Variants in GRIK2 observed in about 807,000 individuals in gnomAD.
GRIK2 encodes the protein glutamate ionotropic receptor kainate type subunit 2, also known as glutamate receptor ionotropic, kainate 2.
In GRIK2, 32 loss-of-function variants were observed where a neutral mutation model predicts 100.3. The ratio of observed to expected loss-of-function variants is 0.32; its 90% CI spans 0.24 to 0.43. The LOEUF (loss-of-function observed/expected upper bound fraction) is 0.43, where lower values mean the gene tolerates loss of function less well. GRIK2 is among the 20% of genes least tolerant of loss of function. The pLI, the probability that GRIK2 is intolerant of heterozygous loss-of-function variation, is 1.00. For missense variants in GRIK2, 843 were observed against 1,114.9 expected (o/e 0.76, Z 3.47); for synonymous variants, 417 against 389.4 (o/e 1.07, Z -0.83).
chr6:101,556,709 G>A (rs192446554), intron 2 of GRIK2, among the ~76,000 whole-genome samples: 51 of 152,032 alleles, frequency 3.4e-4, no homozygotes, highest in African/African-American at 1.2e-3. Flanking sequence ...GCTGTTATTC[G>A]CATTGCACAA....
intron 9 of GRIK2, among the ~76,000 whole-genome samples, chr6:101,811,425 A>C (rs1292751450): frequency 6.6e-6 from 1 of 152,076 alleles, no homozygotes; most frequent in Non-Finnish European, 1.5e-5. Context: ...TCCAGTGAAT[A>C]TTTTGTGAGT....
At chr6:101,961,464 G>A (rs974297832) in intron 14 of GRIK2, among the ~76,000 whole-genome samples, 13 of 152,038 alleles carry the variant, frequency 8.6e-5, no homozygotes, top group Admixed American at 2.0e-4. Context: ...CGCCCCCCAC[G>A]AAAGAACAGC....
At chr6:101,772,559 T>C (rs1312700970) in intron 7 of GRIK2, among the ~76,000 whole-genome samples, 1 of 151,992 alleles carries the variant, frequency 6.6e-6, no homozygotes, top group Non-Finnish European at 1.5e-5. Context: ...ATGTTTATCC[T>C]CTAAAAGGAC....
intron 2 of GRIK2, among the ~76,000 whole-genome samples, chr6:101,402,886 G>C (rs1263791031): frequency 6.6e-6 from 1 of 152,220 alleles, no homozygotes; most frequent in Non-Finnish European, 1.5e-5. Flanking sequence ...CCCAGGATAG[G>C]GTGAAGGCGG....
chr6:101,653,054 T>C (rs1437218362), intron 4 of GRIK2, among the ~76,000 whole-genome samples: 1 of 152,112 alleles, frequency 6.6e-6, no homozygotes, highest in African/African-American at 2.4e-5. Context: ...ACTTGTAGTT[T>C]TGCTAATGGA....
rs548883267 is a variant in GRIK2, at chr6:101,586,496, G to A, written c.116-35453G>A. Among the ~76,000 whole-genome samples, 8 of 152,050 alleles carry A rather than the reference G, an allele frequency of 5.3e-5. No individual in the cohort carries two copies. In the South Asian group the frequency reaches 8.3e-4, roughly 16 times the overall value. ...TGAAGGAACATTTCCAAGCTACCTG[G>A]AAGTAGAGACCCATAGGGAAAAAAT... On this transcript the variant is annotated intron_variant, in intron 2 of 16. Coordinates refer to ENST00000369134, the MANE Select transcript of GRIK2 (RefSeq NM_021956.5).
chr6:101,666,772 G>C (rs1001550911), intron 4 of GRIK2, among the ~76,000 whole-genome samples: 2 of 152,206 alleles, frequency 1.3e-5, no homozygotes, highest in African/African-American at 4.8e-5. Context: ...AATTCACTTA[G>C]ATGGTTTTAA....
In GRIK2 at chr6:101,906,366, C is replaced by CTCTCTGTGTG. The variant is rs1554283801; in HGVS notation, c.1748+16504_1748+16505insCTCTGTGTGT. 6.0e-4 allele frequency among the ~76,000 whole-genome samples: 88 copies of CTCTCTGTGTG among 145,930 alleles called. 1 individual carries two copies. Among genetic ancestry groups the CTCTCTGTGTG allele is most frequent in the African/African-American group, 2.1e-3 (84 of 40,142 alleles). On this transcript the variant is annotated intron_variant, in intron 12 of 16. Transcript: ENST00000369134. ...TTGAATCATAACTATAAAACAAGAT[C>CTCTCTGTGTG]TGTGTGTGTGTGTGTGTGTTTGTGT...
intron 12 of GRIK2, among the ~76,000 whole-genome samples, chr6:101,921,572 G>A (rs868329414): frequency 1.3e-5 from 2 of 152,164 alleles, no homozygotes; most frequent in Middle Eastern, 3.4e-3. Context: ...TTAGAGGGGT[G>A]AGATGATTTA....
intron 7 of GRIK2, among the ~76,000 whole-genome samples, chr6:101,781,593 C>T (rs75071556): frequency 0.033 from 5,047 of 152,062 alleles, 190 homozygotes; most frequent in African/African-American, 0.093. Flanking sequence ...TATATACATA[C>T]ATACATATAC....
At chr6:101,477,165 C>T (rs139376931) in intron 2 of GRIK2, among the ~76,000 whole-genome samples, 1 of 152,148 alleles carries the variant, frequency 6.6e-6, no homozygotes, top group African/African-American at 2.4e-5. Context: ...GGGTTGCATA[C>T]AGTCCTTAAG....
chr6:101,652,034 G>A (rs1178668002), intron 4 of GRIK2, among the ~76,000 whole-genome samples: 1 of 152,136 alleles, frequency 6.6e-6, no homozygotes, highest in African/African-American at 2.4e-5. Context: ...TGTAAATGAA[G>A]GCTGAAAATT....
chr6:101,792,350 T>A (rs1449780130), intron 7 of GRIK2, among the ~76,000 whole-genome samples: 1 of 152,210 alleles, frequency 6.6e-6, no homozygotes, highest in African/African-American at 2.4e-5. Context: ...TGGTCCTGGT[T>A]GTTCCTTTGC....
At position 101,735,376 on chromosome 6, in the gene GRIK2, A is replaced by G. The variant is rs116478393; in HGVS notation, c.951+49023A>G. On this transcript the variant is annotated intron_variant, in intron 7 of 16. Coordinates refer to ENST00000369134, the MANE Select transcript of GRIK2 (RefSeq NM_021956.5). ...TCAGAAATAACAGGGTTTAGAAAACATACTGTATTAGTCCGCTTTCAGGCT... is the reference window on the plus strand; with the variant it reads ...TCAGAAATAACAGGGTTTAGAAAACGTACTGTATTAGTCCGCTTTCAGGCT... Among the ~76,000 whole-genome samples, 517 of 152,332 alleles carry G rather than the reference A, an allele frequency of 3.4e-3. 3 individuals are homozygous for G. Among genetic ancestry groups the G allele is most frequent in the African/African-American group, 0.012 (493 of 41,578 alleles).
chr6:101,712,564 C>T (rs535133963), intron 7 of GRIK2, among the ~76,000 whole-genome samples: 27 of 151,722 alleles, frequency 1.8e-4, no homozygotes, highest in African/African-American at 6.3e-4. Flanking sequence ...CTATGCAATA[C>T]GTATTTTATT....
At chr6:101,536,310 A>G (rs1419421448) in intron 2 of GRIK2, among the ~76,000 whole-genome samples, 2 of 151,734 alleles carry the variant, frequency 1.3e-5, no homozygotes, top group East Asian at 3.9e-4. Flanking sequence ...AAAGTATGCA[A>G]TTTTCAAGAA....
intron 15 of GRIK2, among the ~76,000 whole-genome samples, chr6:102,054,714 G>A (rs1156345074): frequency 6.6e-6 from 1 of 152,020 alleles, no homozygotes; most frequent in Non-Finnish European, 1.5e-5. Flanking sequence ...TTTACAATAC[G>A]TGGCTGTATG....
rs1773395736 is a variant in GRIK2, at chr6:101,495,490, A to ATT, written c.115+96098_115+96099insTT. Among the ~76,000 whole-genome samples, 4 of 152,116 alleles carry ATT rather than the reference A, an allele frequency of 2.6e-5. No homozygotes were observed. The South Asian group carries it at 8.3e-4, about 32-fold the overall frequency. ...CACTGCACTCTAGCCTGGGAGATAG[A>ATT]GCAAGACTCCGTCTCAAAATAAGTA... On this transcript the variant is annotated intron_variant, in intron 2 of 16. Coordinates refer to ENST00000369134, the MANE Select transcript of GRIK2 (RefSeq NM_021956.5).
At chr6:101,667,113 C>T (rs895869535) in intron 4 of GRIK2, among the ~76,000 whole-genome samples, 22 of 152,144 alleles carry the variant, frequency 1.4e-4, no homozygotes, top group Non-Finnish European at 2.5e-4. Flanking sequence ...TGCCATGCCA[C>T]TTATATGATT....
Sources: gnomAD v4.1 joint callset for allele counts (sites outside exome capture counted in the v4.1 genomes callset) on GRCh38, gnomAD v4.1.1 for gene constraint, MANE v1.5 for transcripts, NCBI Gene and HGNC (gene_info 2026-07-23, HGNC 2026-07-21) for gene names.